DMD: variants seen among roughly 807,000 people sequenced by gnomAD.
DMD encodes dystrophin.
Under a neutral mutation model 330.1 loss-of-function variants are expected in DMD, and 63 were observed. The observed-to-expected ratio is 0.19, with a 90% CI of 0.16 to 0.24. The LOEUF is 0.24. Ranked by LOEUF, DMD falls within the 10% of genes least tolerant of loss-of-function variation. DMD has a pLI of 1.00. For missense variants in DMD, 3,344 were observed against 2,684.1 expected, an observed-to-expected ratio of 1.25 and a Z score of -5.43; for synonymous variants, 1,223 against 959.8, an observed-to-expected ratio of 1.27 and a Z score of -5.07.
chrX:32,486,191 G>A (rs1024664745), intron 20 of DMD, among the ~76,000 whole-genome samples: 1 of 111,042 alleles, frequency 9.0e-6, no homozygotes, highest in Non-Finnish European at 1.9e-5. Flanking sequence ...AGCTCATGTG[G>A]CAACTGGGCA....
intron 1 of DMD, among the ~76,000 whole-genome samples, chrX:33,183,639 G>A (rs2050105191): frequency 9.0e-6 from 1 of 111,394 alleles, no homozygotes; most frequent in Non-Finnish European, 1.9e-5. Flanking sequence ...CCAACCCTGT[G>A]TTCTCATTTC....
At chrX:32,165,220 G>A (rs1013229593) in intron 44 of DMD, among the ~76,000 whole-genome samples, 2 of 112,456 alleles carry the variant, frequency 1.8e-5, no homozygotes, top group African/African-American at 3.2e-5. Flanking sequence ...CTTGCACCAC[G>A]TGCCTGGAAA....
At chrX:31,177,860 A>G in intron 71 of DMD, 72 bp downstream of exon 71, 1 of 921,816 alleles carries the variant, frequency 1.1e-6, no homozygotes, top group Non-Finnish European at 1.6e-6. Context: ...AAACAAATAA[A>G]CAGAACAAAA....
intron 1 of DMD, among the ~76,000 whole-genome samples, chrX:33,220,352 T>C (rs985201579): frequency 9.0e-6 from 1 of 111,569 alleles, no homozygotes; most frequent in Non-Finnish European, 1.9e-5. Flanking sequence ...TACTCAGTAC[T>C]AGTGTGATAC....
At chrX:31,222,621 C>CTAAAA (rs918650528) in intron 64 of DMD, among the ~76,000 whole-genome samples, 1 of 110,275 alleles carries the variant, frequency 9.1e-6, no homozygotes, top group African/African-American at 3.3e-5. Flanking sequence ...TTCATCTGCA[C>CTAAAA]GTTAGCATTC....
At chrX:32,605,976 C>T (rs746559660) in intron 12 of DMD, among the ~76,000 whole-genome samples, 1 of 110,137 alleles carries the variant, frequency 9.1e-6, no homozygotes, top group African/African-American at 3.3e-5. Flanking sequence ...GTGAAATAAT[C>T]ACATCATGGA....
chrX:32,386,589 G>A (rs1442173315), intron 32 of DMD, 124 bp from the exon 33 acceptor site: 2 of 596,324 alleles, frequency 3.4e-6, no homozygotes, highest in East Asian at 3.7e-5. Flanking sequence ...TAATAGAGTA[G>A]CATTTTGCAG....
chrX:32,368,207 C>A (rs2097861051), intron 34 of DMD, among the ~76,000 whole-genome samples: 1 of 111,699 alleles, frequency 9.0e-6, no homozygotes, highest in Non-Finnish European at 1.9e-5. Context: ...CTATTCACTG[C>A]CAGAGATGAG....
intron 48 of DMD, among the ~76,000 whole-genome samples, chrX:31,853,520 G>C: frequency 8.9e-6 from 1 of 111,840 alleles, no homozygotes; most frequent in Non-Finnish European, 1.9e-5. Flanking sequence ...ACTGCTCTAA[G>C]TTTCAGGTTT....
intron 6 of DMD, among the ~76,000 whole-genome samples, chrX:32,812,551 T>C (rs1456704294): frequency 8.9e-6 from 1 of 112,175 alleles, no homozygotes; most frequent in Non-Finnish European, 1.9e-5. Flanking sequence ...TAGAATCGCT[T>C]GAACCTGGGA....
At chrX:31,647,065 A>G (rs2080147835) in intron 54 of DMD, among the ~76,000 whole-genome samples, 1 of 111,896 alleles carries the variant, frequency 8.9e-6, no homozygotes, top group South Asian at 3.7e-4. Context: ...TCAGCCTACC[A>G]GTCCAACTTG....
intron 49 of DMD, among the ~76,000 whole-genome samples, chrX:31,826,690 A>T: frequency 8.9e-6 from 1 of 112,547 alleles, no homozygotes; most frequent in Non-Finnish European, 1.9e-5. Context: ...CATGTTAATC[A>T]TCTATAAGCA....
chrX:32,545,928 G>T (rs1020909708), intron 16 of DMD, among the ~76,000 whole-genome samples: 1 of 109,374 alleles, frequency 9.1e-6, no homozygotes, highest in South Asian at 3.9e-4. Flanking sequence ...TCTTTATGTT[G>T]AATGTTATTC....
chrX:33,301,456 G>A (rs2053660447), intron 1 of DMD, among the ~76,000 whole-genome samples: 1 of 111,959 alleles, frequency 8.9e-6, no homozygotes, highest in African/African-American at 3.2e-5. Context: ...TGTGAACACA[G>A]TGTATCTCAT....
intron 57 of DMD, among the ~76,000 whole-genome samples, chrX:31,480,760 GTGTCAGTGGT>G (rs2068218948): frequency 9.0e-6 from 1 of 111,180 alleles, no homozygotes; most frequent in South Asian, 3.8e-4. Context: ...GAACTACCAT[GTGTCAGTGGT>G]TGTACCTGAA....
intron 2 of DMD, among the ~76,000 whole-genome samples, chrX:32,873,334 G>A (rs768862922): frequency 9.1e-6 from 1 of 109,566 alleles, no homozygotes; most frequent in African/African-American, 3.3e-5. Flanking sequence ...TCTAGATATG[G>A]CAGGCAGTAG....
intron 1 of DMD, among the ~76,000 whole-genome samples, chrX:33,218,248 G>A (rs756518722): frequency 9.0e-6 from 1 of 110,890 alleles, no homozygotes; most frequent in East Asian, 2.8e-4. Flanking sequence ...ATTTGTTAAG[G>A]CTTTTTGTCT....
intron 52 of DMD, among the ~76,000 whole-genome samples, chrX:31,704,672 A>G (rs1251205008): frequency 8.9e-6 from 1 of 111,745 alleles, no homozygotes; most frequent in Admixed American, 9.5e-5. Flanking sequence ...CCAAACAAAA[A>G]GACACACATA....
At chrX:32,924,307 T>G (rs1421509739) in intron 2 of DMD, among the ~76,000 whole-genome samples, 1 of 110,937 alleles carries the variant, frequency 9.0e-6, no homozygotes, top group African/African-American at 3.3e-5. Context: ...GCGGGAGGAT[T>G]GCTTGAGGCC....
Sources: gnomAD v4.1 joint callset for allele counts (sites outside exome capture counted in the v4.1 genomes callset) on GRCh38, gnomAD v4.1.1 for gene constraint, MANE v1.5 for transcripts, NCBI Gene and HGNC (gene_info 2026-07-23, HGNC 2026-07-21) for gene names.